The following PDHX variants were observed in gnomAD, a reference collection of about 807,000 sequenced individuals.
PDHX encodes the protein pyruvate dehydrogenase complex component X, also known as pyruvate dehydrogenase protein X component, mitochondrial.
PDHX carries 33 observed loss-of-function variants against 55.3 expected under a neutral mutation model. The observed-to-expected ratio is 0.60, with a 90% CI of 0.45 to 0.80. The LOEUF is 0.80. Among genes scored for constraint, PDHX ranks in the 30% least tolerant of loss-of-function variants. The pLI, the probability that PDHX is intolerant of heterozygous loss-of-function variation, is 0.00. For synonymous variants in PDHX, 226 were observed against 219.4 expected (o/e 1.03, Z -0.27); for missense variants, 622 against 619.9 (o/e 1.00, Z -0.04).
intron 5 of PDHX, among the ~76,000 whole-genome samples, chr11:34,965,663 T>G (rs560190905): frequency 6.6e-6 from 1 of 152,294 alleles, no homozygotes; most frequent in East Asian, 1.9e-4. Flanking sequence ...TGGGGCCATC[T>G]CAGAATTCTT....
At chr11:34,919,965 T>A (rs900692277) in intron 1 of PDHX, among the ~76,000 whole-genome samples, 1 of 152,168 alleles carries the variant, frequency 6.6e-6, no homozygotes, top group African/African-American at 2.4e-5. Flanking sequence ...TTTGGGGACA[T>A]AAACAATAAA....
At chr11:34,949,237 G>GT (rs1300010738) in intron 3 of PDHX, among the ~76,000 whole-genome samples, 4 of 149,192 alleles carry the variant, frequency 2.7e-5, no homozygotes, top group Non-Finnish European at 5.9e-5. Flanking sequence ...TTTTTCTTCT[G>GT]TTTTTTGTTT....
At chr11:34,975,825 A>T (rs990937694) in intron 7 of PDHX, among the ~76,000 whole-genome samples, 1 of 152,156 alleles carries the variant, frequency 6.6e-6, no homozygotes, top group African/African-American at 2.4e-5. Flanking sequence ...CCCTGTCAGG[A>T]TGGGAACAGC....
At chr11:34,971,884 T>A (rs2133985406) in intron 7 of PDHX, among the ~76,000 whole-genome samples, 2 of 152,236 alleles carry the variant, frequency 1.3e-5, no homozygotes, top group Admixed American at 1.3e-4. Context: ...ACTAGTGAAT[T>A]TCTTTATGGG....
At chr11:34,947,836 T>G (rs549953809) in intron 3 of PDHX, among the ~76,000 whole-genome samples, 1 of 152,336 alleles carries the variant, frequency 6.6e-6, no homozygotes, top group South Asian at 2.1e-4. Context: ...TAATGGAATA[T>G]TAGAGCTTAT....
chr11:34,920,647 A>G (rs946137241), intron 1 of PDHX, among the ~76,000 whole-genome samples: 1 of 152,184 alleles, frequency 6.6e-6, no homozygotes, highest in African/African-American at 2.4e-5. Context: ...CTTTTTAGGT[A>G]GGAAATTGCT....
At chr11:34,931,536 G>GTTTTTTTTTTTTTTTTTTTTTT (rs368865759) in intron 2 of PDHX, 52 bp downstream of exon 2, 1 of 844,104 alleles carries the variant, frequency 1.2e-6, no homozygotes, top group African/African-American at 2.1e-5. Context: ...TGGTTATTTT[G>GTTTTTTTTTTTTTTTTTTTTTT]TTTTGTTTTT....
chr11:34,947,583 G>A lies in PDHX; in HGVS notation c.319G>A (p.Asp107Asn), dbSNP rs72912954. 12 of 1,611,780 alleles carry A rather than the reference G, an allele frequency of 7.4e-6. No individual in the cohort carries two copies. Among genetic ancestry groups the A allele is most frequent in the Non-Finnish European group, 9.3e-6 (11 of 1,177,914 alleles). ...TGTGGTTACCTTAGATGCAAGTGAT[G>A]ATGGAATCTTGGCCAAAATCGTGGT... Reference protein sequence around the residue: ...KAVVTLDASDDGILAKIVVEE... With the variant: ...KAVVTLDASDNGILAKIVVEE... Residue 107 changes from aspartate to asparagine, a missense_variant, in exon 3 of 11, where the codon GAT becomes AAT. Physicochemically the swap from Asp to Asn is conservative, Grantham distance 23. Transcript: ENST00000227868.
At chr11:34,975,704 A>G (rs554863924) in intron 7 of PDHX, among the ~76,000 whole-genome samples, 1 of 151,986 alleles carries the variant, frequency 6.6e-6, no homozygotes, top group Non-Finnish European at 1.5e-5. Context: ...CTCTCCTCTG[A>G]GTGGATTATC....
rs1169696339 is a variant in PDHX, at chr11:34,977,917, C to A, written c.965-207C>A. Reference sequence around the variant, plus strand: ...TAACCAAGGCCCAGAAGTAAACTTACATTCATGGTTAATATTATTGATCCA... The same window carrying A: ...TAACCAAGGCCCAGAAGTAAACTTAAATTCATGGTTAATATTATTGATCCA... On this transcript the variant is annotated intron_variant, in intron 7 of 10. Transcript: ENST00000227868. 8.4e-6 allele frequency: 5 copies of A among 597,524 alleles called. No homozygotes were observed. In the East Asian group the frequency reaches 1.7e-4, roughly 21 times the overall value. 37.0% of individuals were successfully genotyped at this position (597,524 alleles called of 1,614,324 possible).
intron 3 of PDHX, among the ~76,000 whole-genome samples, chr11:34,951,813 G>T (rs1242843429): frequency 6.6e-6 from 1 of 152,114 alleles, no homozygotes; most frequent in Non-Finnish European, 1.5e-5. Flanking sequence ...TTTTCTTCTA[G>T]GGTTTTTATG....
At chr11:34,927,862 A>G (rs893371318) in intron 1 of PDHX, among the ~76,000 whole-genome samples, 3 of 152,250 alleles carry the variant, frequency 2.0e-5, no homozygotes, top group South Asian at 4.1e-4. Flanking sequence ...TGTCACCTTC[A>G]TTTCAGAGTA....
chr11:34,940,488 T>C lies in PDHX; in HGVS notation c.242-7018T>C, dbSNP rs111269361. The stretch of plus-strand genomic sequence containing the variant: ...TATGTATATGTTTGTGGTGCTAAAA[T>C]GGAAAATTTTGAAAAGTCCATTTCA... On this transcript the variant is annotated intron_variant, in intron 2 of 10. Transcript: ENST00000227868. Among the ~76,000 whole-genome samples the C allele has an allele frequency of 5.5e-3, 833 of 152,344 alleles. 12 individuals are homozygous for C. Among genetic ancestry groups the C allele is most frequent in the African/African-American group, 0.019 (797 of 41,580 alleles).
intron 1 of PDHX, among the ~76,000 whole-genome samples, chr11:34,920,744 A>AT (rs899273014): frequency 1.8e-4 from 27 of 151,456 alleles, no homozygotes; most frequent in Admixed American, 2.6e-4. Context: ...TCTAGTTGTC[A>AT]TTTTTTTTTC....
At chr11:34,927,511 G>A (rs1270350104) in intron 1 of PDHX, among the ~76,000 whole-genome samples, 1 of 152,088 alleles carries the variant, frequency 6.6e-6, no homozygotes, top group African/African-American at 2.4e-5. Flanking sequence ...TATCTTAGTA[G>A]AGTTGACAGC....
At chr11:34,950,924 A>G (rs1385234673) in intron 3 of PDHX, among the ~76,000 whole-genome samples, 1 of 149,844 alleles carries the variant, frequency 6.7e-6, no homozygotes, top group East Asian at 2.0e-4. Context: ...TGGTATTTCT[A>G]GTTCTAGATC....
intron 1 of PDHX, among the ~76,000 whole-genome samples, chr11:34,917,082 G>C (rs945513092): frequency 4.6e-5 from 7 of 152,142 alleles, no homozygotes; most frequent in Non-Finnish European, 1.0e-4. Context: ...TATTTGTGAG[G>C]CGCAGAGAGG....
At chr11:34,935,909 C>T (rs983098911) in intron 2 of PDHX, among the ~76,000 whole-genome samples, 1 of 152,078 alleles carries the variant, frequency 6.6e-6, no homozygotes, top group African/African-American at 2.4e-5. Context: ...GTCACTCATA[C>T]AAATGTTGGT....
At chr11:34,980,348 G>GTTTTTTTTTTTTTTTTTTT (rs1319243948) in intron 8 of PDHX, among the ~76,000 whole-genome samples, 3 of 30,524 alleles carry the variant, frequency 9.8e-5, no homozygotes, top group African/African-American at 3.6e-4. Context: ...GTTTAAGATA[G>GTTTTTTTTTTTTTTTTTTT]TTTCTTTTTT....
Sources: allele counts gnomAD v4.1 joint callset (sites outside exome capture counted in the v4.1 genomes callset), GRCh38; gene constraint gnomAD v4.1.1; transcripts MANE v1.5; gene names NCBI Gene and HGNC (gene_info 2026-07-23, HGNC 2026-07-21).